GALNT16: variants seen among roughly 807,000 people sequenced by gnomAD.
GALNT16 encodes polypeptide N-acetylgalactosaminyltransferase 16.
A neutral mutation model predicts 76.1 loss-of-function variants in GALNT16; 40 were observed. The observed-to-expected ratio is 0.53, with a 90% CI of 0.41 to 0.68. The LOEUF (loss-of-function observed/expected upper bound fraction) is 0.68. Among genes scored for constraint, GALNT16 ranks in the 30% least tolerant of loss-of-function variants. The pLI is 0.00. For missense variants in GALNT16, 621 were observed against 731.9 expected (o/e 0.85, Z 1.75); for synonymous variants, 276 against 285.2 (o/e 0.97, Z 0.32).
At chr14:69,360,291 T>A (rs2045716255), downstream of GALNT16, among the ~76,000 whole-genome samples, 1 of 151,106 alleles carries the variant, frequency 6.6e-6, no homozygotes, top group Admixed American at 6.6e-5. Flanking sequence ...AGGTTGAGGC[T>A]GCAGTGAGTT....
At chr14:69,362,735 T>C in the GALNT16 span, among the ~76,000 whole-genome samples, 5 of 152,252 alleles carry the variant, frequency 3.3e-5, no homozygotes, top group African/African-American at 9.6e-5. Flanking sequence ...ATCCTCAGGA[T>C]ACGTTTATGC....
chr14:69,276,841 G>A (rs189102856), intron 1 of GALNT16, among the ~76,000 whole-genome samples: 2 of 152,342 alleles, frequency 1.3e-5, no homozygotes, highest in African/African-American at 2.4e-5. Context: ...AGGAAAGAGC[G>A]AGCTTGTGAC....
chr14:69,362,278 T>C, the GALNT16 span, among the ~76,000 whole-genome samples: 1 of 152,232 alleles, frequency 6.6e-6, no homozygotes, highest in East Asian at 1.9e-4. Flanking sequence ...CAGGGTTCTC[T>C]GCTCTGCCTT....
chr14:69,380,275 A>T, the GALNT16 span: 1 of 349,750 alleles, frequency 2.9e-6, no homozygotes, highest in African/African-American at 2.1e-5. Context: ...ACTGGAACCA[A>T]CATTAAGTGA....
At chr14:69,280,298 G>A (rs2044523476) in intron 1 of GALNT16, among the ~76,000 whole-genome samples, 1 of 152,182 alleles carries the variant, frequency 6.6e-6, no homozygotes, top group South Asian at 2.1e-4. Context: ...TGTAAGTGGT[G>A]TCTTTTGTGA....
At chr14:69,310,568 G>A (rs548090367) in intron 1 of GALNT16, among the ~76,000 whole-genome samples, 2 of 152,274 alleles carry the variant, frequency 1.3e-5, no homozygotes, top group Non-Finnish European at 2.9e-5. Context: ...ACATGAAACT[G>A]TGTTGTTTTT....
At chr14:69,324,922 A>G in intron 3 of GALNT16, 132 bp downstream of exon 3, 2 of 593,046 alleles carry the variant, frequency 3.4e-6, no homozygotes, top group South Asian at 2.3e-5. Flanking sequence ...AGAGGCTGAG[A>G]CTGGTGAATC....
intron 10 of GALNT16, 48 bp from the exon 11 acceptor site, chr14:69,339,479 C>G (rs1256833839): frequency 9.1e-7 from 1 of 1,093,350 alleles, no homozygotes; most frequent in Non-Finnish European, 1.4e-6. Flanking sequence ...GACCGCTAAC[C>G]CTGTTGCTTC....
intron 1 of GALNT16, among the ~76,000 whole-genome samples, chr14:69,308,171 G>C (rs2044965944): frequency 6.6e-6 from 1 of 152,052 alleles, no homozygotes; most frequent in Admixed American, 6.6e-5. Context: ...TTATCCCTGA[G>C]TTTCACTCTG....
intron 1 of GALNT16, among the ~76,000 whole-genome samples, chr14:69,291,005 TC>T (rs2044680547): frequency 6.6e-6 from 1 of 152,188 alleles, no homozygotes; most frequent in South Asian, 2.1e-4. Flanking sequence ...GGACACTTCT[TC>T]CAGGCTGGGT....
chr14:69,383,532 A>G, the GALNT16 span, among the ~76,000 whole-genome samples: 1 of 152,234 alleles, frequency 6.6e-6, no homozygotes, highest in Admixed American at 6.5e-5. Flanking sequence ...AAAAGGACAT[A>G]ACCAAAGTCA....
At chr14:69,339,946 T>C (rs1252140660) in intron 11 of GALNT16, among the ~76,000 whole-genome samples, 1 of 152,212 alleles carries the variant, frequency 6.6e-6, no homozygotes, top group East Asian at 1.9e-4. Context: ...CTGCCTCCAC[T>C]CCCTGTTCAA....
At chr14:69,284,849 A>C (rs754066570) in intron 1 of GALNT16, among the ~76,000 whole-genome samples, 2 of 151,954 alleles carry the variant, frequency 1.3e-5, no homozygotes, top group African/African-American at 4.8e-5. Context: ...GTGAGTTCTC[A>C]TGAGATCCAA....
intron 1 of GALNT16, among the ~76,000 whole-genome samples, chr14:69,270,703 G>GTGACC (rs1195006470): frequency 3.3e-5 from 5 of 152,178 alleles, no homozygotes; most frequent in Non-Finnish European, 5.9e-5. Flanking sequence ...TCACACATCT[G>GTGACC]TGACCTGATT....
chr14:69,369,630 C>A, the GALNT16 span, among the ~76,000 whole-genome samples: 1 of 152,182 alleles, frequency 6.6e-6, no homozygotes, highest in South Asian at 2.1e-4. Context: ...CAGCTCTGTC[C>A]ACGTTACCTA....
chr14:69,291,744 G>A (rs954726759), intron 1 of GALNT16, among the ~76,000 whole-genome samples: 7 of 152,166 alleles, frequency 4.6e-5, no homozygotes, highest in Admixed American at 2.6e-4. Context: ...CACTAGCTGC[G>A]TTGCCTCCCT....
intron 1 of GALNT16, among the ~76,000 whole-genome samples, chr14:69,289,261 G>A (rs1438366826): frequency 6.6e-6 from 1 of 152,168 alleles, no homozygotes; most frequent in Non-Finnish European, 1.5e-5. Flanking sequence ...CTGAGTCCAT[G>A]TGGAAGTCAT....
chr14:69,300,635 C>G (rs973637651), intron 1 of GALNT16, among the ~76,000 whole-genome samples: 10 of 152,186 alleles, frequency 6.6e-5, no homozygotes, highest in African/African-American at 2.4e-4. Context: ...AGAGCTACTG[C>G]CAAATCACCT....
chr14:69,373,635 A>G, the GALNT16 span, among the ~76,000 whole-genome samples: 3 of 152,250 alleles, frequency 2.0e-5, no homozygotes, highest in African/African-American at 7.2e-5. Flanking sequence ...GGCTTACAAG[A>G]CAAACTATGT....
Sources: allele counts gnomAD v4.1 joint callset (sites outside exome capture counted in the v4.1 genomes callset), GRCh38; gene constraint gnomAD v4.1.1; transcripts MANE v1.5; gene names NCBI Gene and HGNC (gene_info 2026-07-23, HGNC 2026-07-21).